The following LRIG1 variants were observed in gnomAD, a reference collection of about 807,000 sequenced individuals.
The protein encoded by LRIG1 is leucine-rich repeats and immunoglobulin-like domains protein 1.
Under a neutral mutation model 99.2 loss-of-function variants are expected in LRIG1, and 48 were observed. The observed-to-expected ratio is 0.48, with a 90% CI of 0.38 to 0.62. LRIG1 has a LOEUF of 0.62. Among genes scored for constraint, LRIG1 ranks in the 20% least tolerant of loss-of-function variants. The pLI is 0.00. For missense variants in LRIG1, 1,646 were observed against 1,434.4 expected, an observed-to-expected ratio of 1.15 and a Z score of -2.38; for synonymous variants, 772 against 596.1, an observed-to-expected ratio of 1.29 and a Z score of -4.30.
intron 1 of LRIG1, among the ~76,000 whole-genome samples, chr3:66,481,342 T>C (rs1472431265): frequency 1.3e-5 from 2 of 152,256 alleles, no homozygotes; most frequent in Admixed American, 6.5e-5. Flanking sequence ...TGTAGCTTTT[T>C]TGGCAAGTGC....
chr3:66,421,501 C>T (rs554222609), intron 3 of LRIG1, among the ~76,000 whole-genome samples: 3 of 152,302 alleles, frequency 2.0e-5, no homozygotes, highest in East Asian at 3.9e-4. Flanking sequence ...GTCTCACATC[C>T]AGATCACGCT....
rs149854215 is a variant in LRIG1 at position 66,451,590 on chromosome 3, C to T, written c.334G>A (p.Ala112Thr). ...AGAGAGACGACATGTGATGAAGCAG[C>T]GCCCAGGGATGGTACCGCTGTCAAC... ...NELTAVPSLG[A>T]ASSHVVSLFL... The change falls in exon 3 of 19, where the codon GCT becomes ACT. Residue 112 changes from alanine to threonine, a missense_variant. Physicochemically the swap from Ala to Thr is moderately conservative, Grantham distance 58 (BLOSUM62 0). Coordinates refer to ENST00000273261, the MANE Select transcript of LRIG1 (RefSeq NM_015541.3). 104 of 1,614,002 alleles carry T rather than the reference C, an allele frequency of 6.4e-5. 1 individual carries two copies. The East Asian group carries it at 1.5e-3, about 24-fold the overall frequency.
chr3:66,404,650 C>T (rs1455079664), intron 9 of LRIG1, among the ~76,000 whole-genome samples: 2 of 152,106 alleles, frequency 1.3e-5, no homozygotes, highest in African/African-American at 2.4e-5. Flanking sequence ...TTAGGTACAA[C>T]ACACACAGGT....
chr3:66,385,688 A>G (rs924077671), intron 13 of LRIG1, among the ~76,000 whole-genome samples: 1 of 152,194 alleles, frequency 6.6e-6, no homozygotes, highest in Non-Finnish European at 1.5e-5. Context: ...CCTGGCTTCA[A>G]GTGATCTGCC....
chr3:66,478,873 G>A (rs1299092956), intron 1 of LRIG1, among the ~76,000 whole-genome samples: 1 of 152,078 alleles, frequency 6.6e-6, no homozygotes, highest in Non-Finnish European at 1.5e-5. Flanking sequence ...ACCCCCAGAG[G>A]CCTGCAGAGA....
At position 66,417,208 on chromosome 3, in the gene LRIG1, C is replaced by G. The variant is rs780467080; in HGVS notation, c.424G>C (p.Glu142Gln). The G allele has an allele frequency of 1.2e-6, 2 of 1,614,208 alleles. No individual in the cohort carries two copies. The highest frequency in any genetic ancestry group is 3.3e-5 in the Admixed American group (2 of 60,028). Residue 142 changes from glutamate (E) to glutamine (Q), a missense_variant, in exon 4 of 19, where the codon GAA becomes CAA. Transcript: ENST00000273261. ...GSQLKAYLSL[E>Q]VLDLSLNNIT... ...TTGTTCAAACTCAGATCTAACACTT[C>G]TAAGGAAAGGTAGGCCTTCAGCTGG...
chr3:66,436,406 C>CT (rs1703358691), intron 3 of LRIG1, among the ~76,000 whole-genome samples: 1 of 152,188 alleles, frequency 6.6e-6, no homozygotes, highest in African/African-American at 2.4e-5. Context: ...AGAAAAGCGG[C>CT]TTAGGAGAGA....
intron 1 of LRIG1, among the ~76,000 whole-genome samples, chr3:66,465,725 AT>A (rs947759236): frequency 3.9e-5 from 6 of 152,024 alleles, no homozygotes; most frequent in African/African-American, 1.5e-4. Flanking sequence ...CTTTGTAACC[AT>A]TTTTAAGTGT....
intron 3 of LRIG1, among the ~76,000 whole-genome samples, chr3:66,441,205 T>C (rs1322296913): frequency 2.0e-5 from 3 of 152,122 alleles, no homozygotes; most frequent in Non-Finnish European, 2.9e-5. Context: ...TTTCACCTCC[T>C]GGTTGATGAA....
chr3:66,406,054 C>G, intron 8 of LRIG1: 3 of 986,890 alleles, frequency 3.0e-6, no homozygotes, highest in Non-Finnish European at 3.6e-6. Context: ...AAATTTTCCC[C>G]CCGAGCCCTT....
At chr3:66,389,225 A>T (rs572472836) in intron 12 of LRIG1, among the ~76,000 whole-genome samples, 1 of 152,336 alleles carries the variant, frequency 6.6e-6, no homozygotes, top group Non-Finnish European at 1.5e-5. Flanking sequence ...TAACTAAAAA[A>T]TACCCGTGTA....
intron 1 of LRIG1, among the ~76,000 whole-genome samples, chr3:66,490,841 ATGGAAGT>A (rs1433035950): frequency 6.6e-6 from 1 of 152,230 alleles, no homozygotes; most frequent in East Asian, 1.9e-4. Flanking sequence ...CAGATAGAAG[ATGGAAGT>A]CATTCCAAAA....
In LRIG1 at chr3:66,500,957, T is replaced by A. The variant is rs372795968; in HGVS notation, c.-550A>T. 6 of 151,874 alleles carry A rather than the reference T, an allele frequency of 4.0e-5. No individual in the cohort carries two copies. Among genetic ancestry groups the A allele is most frequent in the African/African-American group, 1.2e-4 (5 of 41,326 alleles). 9.4% of individuals were successfully genotyped at this position (151,874 alleles called of 1,614,324 possible). A position where few individuals can be genotyped will look rare whatever the true frequency, so the allele number is the denominator to read the frequency against. ...CGCGCGCGCGCGCGCAGCCTCGGGT[T>A]CCGCACGGCTCCTCCGCGCAGCAAG... On this transcript the variant is annotated 5_prime_UTR_variant, in exon 1 of 19. Transcript: ENST00000273261.
rs748937034 is a variant in LRIG1, at chr3:66,379,056, C to T, written c.*1207G>A. On this transcript the variant is annotated 3_prime_UTR_variant, in exon 19 of 19. Transcript: ENST00000273261. Reference sequence around the variant, plus strand: ...CCTTTTGAACAGTGATGACACCTGACAGTAATTGTTAACTATTTTCTCAGT... The same window carrying T: ...CCTTTTGAACAGTGATGACACCTGATAGTAATTGTTAACTATTTTCTCAGT... The T allele has an allele frequency of 1.3e-5, 2 of 152,650 alleles. No homozygotes were observed. Among genetic ancestry groups the T allele is most frequent in the Non-Finnish European group, 2.9e-5 (2 of 68,040 alleles). 9.5% of individuals were successfully genotyped at this position (152,650 alleles called of 1,614,324 possible).
chr3:66,381,750 G>T (rs547131537), intron 16 of LRIG1, 119 bp from the exon 17 acceptor site: 31 of 1,124,754 alleles, frequency 2.8e-5, no homozygotes, highest in Non-Finnish European at 3.7e-5. Context: ...TCTTCAGAGC[G>T]GTGGGGCTGC....
At chr3:66,428,984 G>T (rs915368549) in intron 3 of LRIG1, among the ~76,000 whole-genome samples, 7 of 152,208 alleles carry the variant, frequency 4.6e-5, no homozygotes. Flanking sequence ...GTGGAGACTG[G>T]ATAAAAAACA....
At chr3:66,418,357 T>C (rs761793637) in intron 3 of LRIG1, among the ~76,000 whole-genome samples, 3 of 152,304 alleles carry the variant, frequency 2.0e-5, no homozygotes, top group Non-Finnish European at 4.4e-5. Context: ...CCTCCCAAAA[T>C]GTTGGGATTA....
chr3:66,458,781 C>T (rs1700287099), intron 2 of LRIG1, among the ~76,000 whole-genome samples: 1 of 151,958 alleles, frequency 6.6e-6, no homozygotes, highest in African/African-American at 2.4e-5. Flanking sequence ...TTTTGGGAGG[C>T]CAAGGCGGGT....
rs1223358404 is a variant in LRIG1, at chr3:66,382,338, T to A, written c.2552A>T (p.Asp851Val). The A allele has an allele frequency of 1.2e-6, 2 of 1,614,112 alleles. No individual in the cohort carries two copies. Among genetic ancestry groups the A allele is most frequent in the Admixed American group, 3.3e-5 (2 of 60,020 alleles). ...SYLSSQGTLS[D>V]RQETVVRTEG... is the part of the protein sequence containing the mutation. Reference sequence around the variant, plus strand: ...GGTCCTGACCACGGTTTCTTGTCGGTCAGAAAGGGTCCCCTGAGAAGAGAG... The same window carrying A: ...GGTCCTGACCACGGTTTCTTGTCGGACAGAAAGGGTCCCCTGAGAAGAGAG... The change falls in exon 16 of 19, where the codon GAC becomes GTC. Residue 851 changes from aspartate (D) to valine (V), a missense_variant. Physicochemically the swap from Asp to Val is radical, Grantham distance 152 (BLOSUM62 -3). Transcript: ENST00000273261.
Sources: allele counts gnomAD v4.1 joint callset (sites outside exome capture counted in the v4.1 genomes callset), GRCh38; gene constraint gnomAD v4.1.1; transcripts MANE v1.5; gene names NCBI Gene and HGNC (gene_info 2026-07-23, HGNC 2026-07-21).